Variants in NXPH2 observed in about 807,000 individuals in gnomAD.
NXPH2 encodes the protein neurexophilin-2.
A neutral mutation model predicts 19.8 loss-of-function variants in NXPH2; 5 were observed. That is an observed-to-expected ratio of 0.25 (90% CI 0.13 to 0.53). The LOEUF (loss-of-function observed/expected upper bound fraction) is 0.53. Ranked by LOEUF, NXPH2 falls within the 20% of genes least tolerant of loss-of-function variation. NXPH2 has a pLI of 0.96. For missense variants in NXPH2, 289 were observed against 322.8 expected (o/e 0.90, Z 0.80); for synonymous variants, 154 against 127.4 (o/e 1.21, Z -1.41).
chr2:138,697,758 C>T (rs867092215), intron 1 of NXPH2, among the ~76,000 whole-genome samples: 11 of 151,448 alleles, frequency 7.3e-5, no homozygotes, highest in Middle Eastern at 3.7e-3. Context: ...AAATAATAAA[C>T]TAATAGATAA....
At chr2:138,677,249 T>G (rs565042606) in intron 1 of NXPH2, among the ~76,000 whole-genome samples, 38 of 152,326 alleles carry the variant, frequency 2.5e-4, no homozygotes, top group African/African-American at 8.2e-4. Context: ...CATATTATAA[T>G]AATAATGCAA....
chr2:138,764,579 A>G (rs1682064275), intron 1 of NXPH2, among the ~76,000 whole-genome samples: 1 of 152,206 alleles, frequency 6.6e-6, no homozygotes, highest in South Asian at 2.1e-4. Flanking sequence ...TGGCAAAGGA[A>G]TTTTTAGCGC....
At chr2:138,707,338 G>A (rs546430939) in intron 1 of NXPH2, among the ~76,000 whole-genome samples, 14 of 152,062 alleles carry the variant, frequency 9.2e-5, no homozygotes, top group Non-Finnish European at 1.8e-4. Context: ...CAAAGGAAAA[G>A]GTTTGATCCT....
intron 1 of NXPH2, among the ~76,000 whole-genome samples, chr2:138,763,777 A>G (rs1682051345): frequency 6.6e-6 from 1 of 152,238 alleles, no homozygotes; most frequent in Non-Finnish European, 1.5e-5. Flanking sequence ...GAAGGAAATC[A>G]GTGACACTGA....
intron 1 of NXPH2, among the ~76,000 whole-genome samples, chr2:138,748,084 A>G (rs1356291524): frequency 6.6e-6 from 1 of 152,200 alleles, no homozygotes; most frequent in African/African-American, 2.4e-5. Flanking sequence ...GCCATTTACC[A>G]GGGTAAATTA....
intron 1 of NXPH2, among the ~76,000 whole-genome samples, chr2:138,694,566 A>G (rs1225436883): frequency 1.3e-5 from 2 of 152,170 alleles, no homozygotes; most frequent in African/African-American, 4.8e-5. Context: ...ACCCTGGACT[A>G]GAGGCTTCAG....
intron 1 of NXPH2, among the ~76,000 whole-genome samples, chr2:138,766,661 A>T (rs1191136504): frequency 7.9e-5 from 12 of 152,140 alleles, no homozygotes; most frequent in Non-Finnish European, 1.8e-4. Context: ...CAGGAGCATG[A>T]CTTTACCACT....
intron 1 of NXPH2, among the ~76,000 whole-genome samples, chr2:138,732,833 G>T (rs1681473326): frequency 1.3e-5 from 2 of 152,180 alleles, no homozygotes; most frequent in South Asian, 4.2e-4. Context: ...TTAGAGGTCT[G>T]CTCACCAGTG....
At chr2:138,671,750 T>G in intron 1 of NXPH2, 85 bp from the exon 2 acceptor site, 6 of 1,290,030 alleles carry the variant, frequency 4.7e-6, no homozygotes, top group Non-Finnish European at 5.3e-6. Context: ...CAAGGGAAAT[T>G]ATTTCAACAT....
At chr2:138,717,108 A>G (rs1212158134) in intron 1 of NXPH2, among the ~76,000 whole-genome samples, 2 of 152,200 alleles carry the variant, frequency 1.3e-5, no homozygotes, top group South Asian at 2.1e-4. Context: ...CCATCACACA[A>G]TGGAGTGCTA....
chr2:138,775,160 A>G (rs1682241961), intron 1 of NXPH2, among the ~76,000 whole-genome samples: 1 of 152,150 alleles, frequency 6.6e-6, no homozygotes, highest in South Asian at 2.1e-4. Context: ...AAAGAAAAAT[A>G]TTTCCTACAG....
chr2:138,670,926 C>T lies in NXPH2; in HGVS notation c.791G>A (p.Gly264Asp). 1.2e-6 allele frequency: 2 copies of T among 1,609,822 alleles called. No homozygotes were observed. The highest frequency in any genetic ancestry group is 1.7e-6 in the Non-Finnish European group (2 of 1,177,148). Reference protein sequence around the residue: ...YHSETPYLSSG With the variant: ...YHSETPYLSSD ...ATTTCCACCACAGCAGGAAGATCAG[C>T]CAGAAGATAAGTATGGGGTCTCACT... is the stretch of plus-strand genomic sequence containing the variant. Residue 264 changes from glycine to aspartate, a missense_variant, in exon 2 of 2, where the codon GGC becomes GAC. Transcript: ENST00000272641.
chr2:138,696,100 A>G (rs1483886084), intron 1 of NXPH2, among the ~76,000 whole-genome samples: 1 of 152,178 alleles, frequency 6.6e-6, no homozygotes, highest in South Asian at 2.1e-4. Context: ...TTAATAAAAC[A>G]GTCAGTGTTG....
At chr2:138,703,066 T>A (rs573637115) in intron 1 of NXPH2, among the ~76,000 whole-genome samples, 32 of 152,334 alleles carry the variant, frequency 2.1e-4, no homozygotes, top group African/African-American at 7.7e-4. Context: ...TTCTCTCGCC[T>A]GTATTAAATA....
At chr2:138,676,014 A>C (rs1339546028) in intron 1 of NXPH2, among the ~76,000 whole-genome samples, 1 of 151,768 alleles carries the variant, frequency 6.6e-6, no homozygotes, top group African/African-American at 2.4e-5. Flanking sequence ...CTTTTTTTTA[A>C]AATTTGGCTT....
At chr2:138,760,540 A>T (rs1681994374) in intron 1 of NXPH2, among the ~76,000 whole-genome samples, 1 of 152,240 alleles carries the variant, frequency 6.6e-6, no homozygotes, top group African/African-American at 2.4e-5. Flanking sequence ...ATCAAAAATC[A>T]TAACGTGTGT....
intron 1 of NXPH2, among the ~76,000 whole-genome samples, chr2:138,676,472 T>A (rs1680485783): frequency 6.6e-6 from 1 of 152,012 alleles, no homozygotes; most frequent in South Asian, 2.1e-4. Context: ...CCTTCCCACC[T>A]CCCCACTGCT....
At chr2:138,773,057 G>A (rs929439852) in intron 1 of NXPH2, among the ~76,000 whole-genome samples, 1 of 152,254 alleles carries the variant, frequency 6.6e-6, no homozygotes, top group African/African-American at 2.4e-5. Context: ...GTGACTTCAA[G>A]ATCCAAATCC....
At chr2:138,693,195 T>C (rs1680770294) in intron 1 of NXPH2, among the ~76,000 whole-genome samples, 2 of 152,192 alleles carry the variant, frequency 1.3e-5, no homozygotes, top group African/African-American at 4.8e-5. Context: ...CTGGTCATCA[T>C]TGTCAGTTAC....
Sources: gnomAD v4.1 joint callset for allele counts (sites outside exome capture counted in the v4.1 genomes callset) on GRCh38, gnomAD v4.1.1 for gene constraint, MANE v1.5 for transcripts, NCBI Gene and HGNC (gene_info 2026-07-23, HGNC 2026-07-21) for gene names.